Variants in SPECC1 observed in about 807,000 individuals in gnomAD.
SPECC1 encodes the protein sperm antigen with calponin homology and coiled-coil domains 1.
SPECC1 carries 62 observed loss-of-function variants against 104.1 expected under a neutral mutation model. The ratio of observed to expected loss-of-function variants is 0.60; its 90% CI spans 0.49 to 0.74. The LOEUF (loss-of-function observed/expected upper bound fraction) is 0.74. Among genes scored for constraint, SPECC1 ranks in the 30% least tolerant of loss-of-function variants. SPECC1 has a pLI of 0.00. For synonymous variants in SPECC1, 513 were observed against 501.6 expected (o/e 1.02, Z -0.30); for missense variants, 1,306 against 1,310.5 (o/e 1.00, Z 0.05).
intron 14 of SPECC1, among the ~76,000 whole-genome samples, chr17:20,308,325 G>A (rs537253506): frequency 6.3e-4 from 86 of 136,964 alleles, no homozygotes; most frequent in Non-Finnish European, 9.2e-4. Flanking sequence ...GGAGGCAGAG[G>A]TTGCAGTGAG....
intron 3 of SPECC1, among the ~76,000 whole-genome samples, chr17:20,120,493 G>A (rs79885209): frequency 6.6e-6 from 1 of 152,090 alleles, no homozygotes; most frequent in African/African-American, 2.4e-5. Context: ...TGAAGGAAAA[G>A]AATAAAATTA....
At chr17:20,298,805 G>A (rs190562192) in intron 13 of SPECC1, among the ~76,000 whole-genome samples, 36 of 151,970 alleles carry the variant, frequency 2.4e-4, no homozygotes, top group East Asian at 1.4e-3. Context: ...GCTCTGTTTC[G>A]ATTATCCCAC....
intron 3 of SPECC1, among the ~76,000 whole-genome samples, chr17:20,181,904 G>A (rs1283604386): frequency 6.6e-6 from 1 of 152,064 alleles, no homozygotes; most frequent in East Asian, 1.9e-4. Context: ...TATGTTCCAG[G>A]GTGGGTAGAT....
chr17:20,036,374 C>A (rs922047479), intron 1 of SPECC1, among the ~76,000 whole-genome samples: 31 of 152,130 alleles, frequency 2.0e-4, no homozygotes, highest in African/African-American at 7.5e-4. Context: ...AAGTTTTCTG[C>A]TCGCCTCAGC....
At chr17:20,306,498 G>C (rs896018989) in intron 14 of SPECC1, among the ~76,000 whole-genome samples, 4 of 152,248 alleles carry the variant, frequency 2.6e-5, no homozygotes, top group African/African-American at 7.2e-5. Flanking sequence ...GCAGGGGTGG[G>C]TGGGGGATGG....
At chr17:20,128,918 CG>C (rs769846032) in intron 3 of SPECC1, among the ~76,000 whole-genome samples, 44 of 152,060 alleles carry the variant, frequency 2.9e-4, no homozygotes, top group Non-Finnish European at 5.4e-4. Context: ...TTAGAGACAG[CG>C]TCACACTCTG....
At chr17:20,202,972 G>C (rs2036530997) in intron 3 of SPECC1, among the ~76,000 whole-genome samples, 2 of 152,110 alleles carry the variant, frequency 1.3e-5, no homozygotes, top group African/African-American at 4.8e-5. Context: ...TAGATGTTTA[G>C]TAATGAATGC....
At chr17:20,137,339 A>G (rs1367976463) in intron 3 of SPECC1, among the ~76,000 whole-genome samples, 1 of 152,244 alleles carries the variant, frequency 6.6e-6, no homozygotes, top group African/African-American at 2.4e-5. Context: ...ATGTTGGACA[A>G]GCTGCTTAGT....
chr17:20,048,433 G>T (rs1182959836), intron 1 of SPECC1, among the ~76,000 whole-genome samples: 1 of 151,472 alleles, frequency 6.6e-6, no homozygotes, highest in Non-Finnish European at 1.5e-5. Flanking sequence ...GCGCCCAGCC[G>T]AGAAGTGAGT....
intron 3 of SPECC1, among the ~76,000 whole-genome samples, chr17:20,119,146 T>A (rs1207288109): frequency 6.6e-6 from 1 of 152,250 alleles, no homozygotes; most frequent in Non-Finnish European, 1.5e-5. Flanking sequence ...TTATACAAAT[T>A]GTTTGTCAGT....
intron 12 of SPECC1, among the ~76,000 whole-genome samples, chr17:20,292,699 A>G (rs1877941456): frequency 6.6e-6 from 1 of 152,200 alleles, no homozygotes; most frequent in Admixed American, 6.5e-5. Context: ...TTTGAAGCCA[A>G]GAGTCCACAG....
chr17:20,309,155 A>G (rs1384820393), intron 14 of SPECC1, among the ~76,000 whole-genome samples: 1 of 152,176 alleles, frequency 6.6e-6, no homozygotes, highest in East Asian at 1.9e-4. Context: ...TCCACCAACA[A>G]AATAGAAATT....
chr17:20,300,335 T>C (rs2041526762), intron 13 of SPECC1, among the ~76,000 whole-genome samples: 1 of 152,194 alleles, frequency 6.6e-6, no homozygotes, highest in Non-Finnish European at 1.5e-5. Flanking sequence ...TCTATGCATT[T>C]ATTCCCTCCC....
At chr17:20,066,244 T>C (rs1466140372) in intron 1 of SPECC1, among the ~76,000 whole-genome samples, 1 of 152,230 alleles carries the variant, frequency 6.6e-6, no homozygotes, top group Non-Finnish European at 1.5e-5. Flanking sequence ...TTGCAAAAAT[T>C]AGCCAAACAT....
intron 1 of SPECC1, among the ~76,000 whole-genome samples, chr17:20,063,801 G>T (rs1427819703): frequency 6.7e-6 from 1 of 148,636 alleles, no homozygotes; most frequent in Admixed American, 6.8e-5. Flanking sequence ...AGTAGTGCTT[G>T]ACCTAAGATC....
At chr17:20,156,943 C>T (rs1214333441) in intron 3 of SPECC1, among the ~76,000 whole-genome samples, 3 of 151,964 alleles carry the variant, frequency 2.0e-5, no homozygotes, top group Admixed American at 2.0e-4. Context: ...GGCATCTTGG[C>T]TGATAGGAAA....
intron 3 of SPECC1, among the ~76,000 whole-genome samples, chr17:20,153,604 G>T (rs1388687135): frequency 6.6e-6 from 1 of 152,224 alleles, no homozygotes; most frequent in East Asian, 1.9e-4. Context: ...GACTTGACTA[G>T]ATATTTTAAA....
At chr17:20,278,880 T>C (rs1302374130) in intron 12 of SPECC1, among the ~76,000 whole-genome samples, 3 of 152,182 alleles carry the variant, frequency 2.0e-5, no homozygotes, top group Non-Finnish European at 4.4e-5. Flanking sequence ...AACAGGATTT[T>C]CAAAATAAAA....
intron 12 of SPECC1, among the ~76,000 whole-genome samples, chr17:20,287,309 C>T (rs1749435003): frequency 6.6e-6 from 1 of 151,428 alleles, no homozygotes; most frequent in Middle Eastern, 3.4e-3. Flanking sequence ...CCCAGCTACT[C>T]GGGAGGCTGA....
Sources: gnomAD v4.1 joint callset for allele counts (sites outside exome capture counted in the v4.1 genomes callset) on GRCh38, gnomAD v4.1.1 for gene constraint, MANE v1.5 for transcripts, NCBI Gene and HGNC (gene_info 2026-07-23, HGNC 2026-07-21) for gene names.